IL1RAPL1: variants seen among roughly 807,000 people sequenced by gnomAD.
IL1RAPL1 encodes interleukin 1 receptor accessory protein like 1.
In IL1RAPL1, 3 loss-of-function variants were observed where a neutral mutation model predicts 48.4. That is an observed-to-expected ratio of 0.06 (90% CI 0.03 to 0.16). The LOEUF is 0.16. Ranked by LOEUF, IL1RAPL1 falls within the 10% of genes least tolerant of loss-of-function variation. The probability of loss-of-function intolerance (pLI) is 1.00; values close to 1 mark genes in which losing one functional copy is unlikely to be tolerated. For missense variants in IL1RAPL1, 349 were observed against 530.6 expected, an observed-to-expected ratio of 0.66 and a Z score of 3.36; for synonymous variants, 185 against 187.7, an observed-to-expected ratio of 0.99 and a Z score of 0.12.
chrX:29,177,649 G>A (rs1451872539), intron 2 of IL1RAPL1, among the ~76,000 whole-genome samples: 2 of 111,763 alleles, frequency 1.8e-5, no homozygotes, highest in African/African-American at 6.5e-5. Flanking sequence ...CAACGTGCAG[G>A]TTTGTTACAT....
At chrX:28,830,394 A>T (rs1421737953) in intron 2 of IL1RAPL1, among the ~76,000 whole-genome samples, 2 of 111,406 alleles carry the variant, frequency 1.8e-5, no homozygotes, top group African/African-American at 6.5e-5. Flanking sequence ...ATGTTTGCAG[A>T]TTCTTTCTTC....
intron 5 of IL1RAPL1, among the ~76,000 whole-genome samples, chrX:29,650,244 C>T (rs1312715331): frequency 1.8e-5 from 2 of 111,768 alleles, no homozygotes; most frequent in Non-Finnish European, 3.8e-5. Context: ...TCAAAATACC[C>T]ATGACACTTT....
intron 5 of IL1RAPL1, among the ~76,000 whole-genome samples, chrX:29,539,269 A>G (rs1051491801): frequency 8.9e-6 from 1 of 112,000 alleles, no homozygotes; most frequent in Non-Finnish European, 1.9e-5. Context: ...ACTCAAATCA[A>G]TAAATGTGAC....
chrX:29,492,819 T>C (rs763281951), intron 5 of IL1RAPL1, among the ~76,000 whole-genome samples: 19 of 111,697 alleles, frequency 1.7e-4, no homozygotes, highest in Non-Finnish European at 3.2e-4. Flanking sequence ...TTATTCTGCC[T>C]ACTACATATG....
intron 5 of IL1RAPL1, among the ~76,000 whole-genome samples, chrX:29,545,254 T>C (rs1179785703): frequency 9.1e-6 from 1 of 110,043 alleles, no homozygotes; most frequent in East Asian, 2.8e-4. Context: ...GGACAACAAA[T>C]GTTCGTAAAA....
chrX:29,554,036 G>A (rs1412975964), intron 5 of IL1RAPL1, among the ~76,000 whole-genome samples: 3 of 109,741 alleles, frequency 2.7e-5, no homozygotes, highest in African/African-American at 3.3e-5. Flanking sequence ...TTTTCTGATG[G>A]ATCCAAGAAA....
intron 6 of IL1RAPL1, among the ~76,000 whole-genome samples, chrX:29,876,047 G>A (rs922289478): frequency 3.6e-5 from 4 of 111,082 alleles, no homozygotes; most frequent in African/African-American, 1.3e-4. Flanking sequence ...ACAGATAGTA[G>A]GCCCCCGTGT....
At chrX:29,339,167 G>A (rs1243853815) in intron 3 of IL1RAPL1, among the ~76,000 whole-genome samples, 1 of 109,263 alleles carries the variant, frequency 9.2e-6, no homozygotes, top group African/African-American at 3.3e-5. Flanking sequence ...GATAAAAATT[G>A]GACAAGTCTT....
At chrX:29,466,678 T>C (rs763849669) in intron 5 of IL1RAPL1, among the ~76,000 whole-genome samples, 2 of 112,345 alleles carry the variant, frequency 1.8e-5, no homozygotes, top group African/African-American at 6.5e-5. Context: ...ACTTCGAGGT[T>C]CTGTCGCATT....
intron 5 of IL1RAPL1, among the ~76,000 whole-genome samples, chrX:29,437,696 C>A (rs908568786): frequency 2.7e-5 from 3 of 110,385 alleles, no homozygotes; most frequent in African/African-American, 9.8e-5. Context: ...TGTGATTTTT[C>A]TTTAGTCTGT....
chrX:29,227,938 T>C (rs371651499), intron 2 of IL1RAPL1, among the ~76,000 whole-genome samples: 2 of 111,378 alleles, frequency 1.8e-5, no homozygotes, highest in East Asian at 5.7e-4. Context: ...TGCCAGAGTT[T>C]TGGTTTAAAC....
intron 2 of IL1RAPL1, among the ~76,000 whole-genome samples, chrX:28,872,495 A>G (rs184249670): frequency 8.9e-6 from 1 of 112,660 alleles, no homozygotes; most frequent in African/African-American, 3.2e-5. Flanking sequence ...CTTATAATTA[A>G]TGCTATTTTT....
At chrX:29,072,787 T>C (rs915162658) in intron 2 of IL1RAPL1, among the ~76,000 whole-genome samples, 2 of 112,232 alleles carry the variant, frequency 1.8e-5, no homozygotes, top group African/African-American at 6.5e-5. Flanking sequence ...GAGTGTCTGC[T>C]TTGCCTTTCA....
chrX:29,525,204 C>T (rs1935540929), intron 5 of IL1RAPL1, among the ~76,000 whole-genome samples: 1 of 111,941 alleles, frequency 8.9e-6, no homozygotes, highest in South Asian at 3.7e-4. Flanking sequence ...TTCTGGTTAA[C>T]ACCTCATTTT....
intron 5 of IL1RAPL1, among the ~76,000 whole-genome samples, chrX:29,446,342 A>AT (rs1227186384): frequency 3.6e-5 from 4 of 111,656 alleles, no homozygotes; most frequent in South Asian, 3.7e-4. Flanking sequence ...TTTGACAGTC[A>AT]TTTTTTTATA....
intron 6 of IL1RAPL1, among the ~76,000 whole-genome samples, chrX:29,726,656 AT>A (rs1927781492): frequency 9.0e-6 from 1 of 111,713 alleles, no homozygotes; most frequent in South Asian, 3.7e-4. Context: ...TTTTTTAAAG[AT>A]TTTCTAAACA....
At chrX:28,807,651 G>T (rs1260745857) in intron 2 of IL1RAPL1, among the ~76,000 whole-genome samples, 1 of 110,963 alleles carries the variant, frequency 9.0e-6, no homozygotes, top group Non-Finnish European at 1.9e-5. Flanking sequence ...AATTTATTAT[G>T]CAGATCTCAT....
chrX:29,446,145 T>C (rs1387908232), intron 5 of IL1RAPL1, among the ~76,000 whole-genome samples: 2 of 111,619 alleles, frequency 1.8e-5, no homozygotes, highest in Non-Finnish European at 3.8e-5. Flanking sequence ...TTTTGTCCTA[T>C]ATATTTTTTT....
chrX:28,666,658 A>G (rs1056198729), intron 1 of IL1RAPL1, among the ~76,000 whole-genome samples: 44 of 112,006 alleles, frequency 3.9e-4, no homozygotes, highest in Non-Finnish European at 7.5e-4. Context: ...CAAAAAAACC[A>G]TATTTCTTTT....
Sources: gnomAD v4.1 joint callset for allele counts (sites outside exome capture counted in the v4.1 genomes callset) on GRCh38, gnomAD v4.1.1 for gene constraint, MANE v1.5 for transcripts, NCBI Gene and HGNC (gene_info 2026-07-23, HGNC 2026-07-21) for gene names.